The following RBPJ variants were observed in gnomAD, a reference collection of about 807,000 sequenced individuals.
The protein encoded by RBPJ is recombining binding protein suppressor of hairless.
A neutral mutation model predicts 67.8 loss-of-function variants in RBPJ; 9 were observed. The observed-to-expected ratio is 0.13, with a 90% confidence interval of 0.08 to 0.23. The LOEUF is 0.23. Among genes scored for constraint, RBPJ ranks in the 10% least tolerant of loss-of-function variants. The probability of loss-of-function intolerance (pLI) is 1.00; values close to 1 mark genes in which losing one functional copy is unlikely to be tolerated. For missense variants in RBPJ, 305 were observed against 595.6 expected (o/e 0.51, Z 5.08); for synonymous variants, 198 against 203.3 (o/e 0.97, Z 0.22).
In RBPJ at chr4:26,172,135, A is replaced by G. The variant is rs7656842; in HGVS notation, c.-167+8521A>G. ...ATCATCCAGGAAACATTTCAACAAC[A>G]TGGATGGAACTAAATGTCTTGCCAG... is the stretch of plus-strand genomic sequence containing the variant. On this transcript the variant is annotated intron_variant, in intron 1 of 4. Coordinates refer to the RBPJ transcript ENST00000512351. Among the ~76,000 whole-genome samples, 354 of 152,272 alleles carry G rather than the reference A, an allele frequency of 2.3e-3. 1 individual carries two copies. The highest frequency in any genetic ancestry group is 8.1e-3 in the African/African-American group (335 of 41,550).
chr4:26,386,092 T>C (rs548615647), intron 1 of RBPJ, among the ~76,000 whole-genome samples: 110 of 152,352 alleles, frequency 7.2e-4, no homozygotes, highest in African/African-American at 2.4e-3. Context: ...CTCTAAAAGA[T>C]ACCTGTCCTC....
the RBPJ span, among the ~76,000 whole-genome samples, chr4:26,134,973 G>A: frequency 5.3e-5 from 8 of 152,124 alleles, no homozygotes; most frequent in Non-Finnish European, 7.4e-5. Context: ...GCAGGTCTTC[G>A]GTACCACAGT....
chr4:26,374,475 TTTTC>T lies in RBPJ; in HGVS notation c.21-11874_21-11871del, dbSNP rs990402997. On this transcript the variant is annotated intron_variant, in intron 1 of 10. Transcript: ENST00000355476. ...CATAAAAATTCATATCCGGTCACCC[TTTTC>T]TTTTTTTTTTTTTCGAGATGGAATC... is the stretch of plus-strand genomic sequence containing the variant. Among the ~76,000 whole-genome samples, 6 of 114,268 alleles carry T rather than the reference TTTTC, an allele frequency of 5.3e-5. No individual in the cohort carries two copies. The Admixed American group carries it at 5.4e-4, about 10-fold the overall frequency. The allele number at this position is 114,268 out of a possible 152,430, so 75.0% of individuals were successfully genotyped here.
At chr4:26,192,034 A>T (rs1373592601) in intron 1 of RBPJ, among the ~76,000 whole-genome samples, 4 of 147,080 alleles carry the variant, frequency 2.7e-5, no homozygotes, top group Non-Finnish European at 5.9e-5. Context: ...TTTGAGGCAG[A>T]GTCTCACTCT....
intron 1 of RBPJ, among the ~76,000 whole-genome samples, chr4:26,288,657 A>C (rs1721560429): frequency 6.6e-6 from 1 of 152,214 alleles, no homozygotes; most frequent in African/African-American, 2.4e-5. Flanking sequence ...AAAAGCCCTC[A>C]CAAACACGTA....
At chr4:26,159,645 G>C (rs114262280), upstream of RBPJ, among the ~76,000 whole-genome samples, 1,296 of 152,228 alleles carry the variant, frequency 8.5e-3, 13 homozygotes, top group African/African-American at 0.029. Context: ...CGTGTTTATA[G>C]TACCTCCATG....
the RBPJ span, among the ~76,000 whole-genome samples, chr4:26,124,349 C>A: frequency 6.8e-6 from 1 of 146,492 alleles, no homozygotes; most frequent in East Asian, 2.1e-4. Flanking sequence ...TAATAATCTC[C>A]AGTCTCATCC....
chr4:26,376,758 G>C (rs1321073518), intron 1 of RBPJ, among the ~76,000 whole-genome samples: 1 of 152,154 alleles, frequency 6.6e-6, no homozygotes, highest in Non-Finnish European at 1.5e-5. Flanking sequence ...TATATGAAAG[G>C]TTCCACTTTT....
At chr4:26,279,209 C>T (rs1721177476) in intron 1 of RBPJ, among the ~76,000 whole-genome samples, 1 of 152,142 alleles carries the variant, frequency 6.6e-6, no homozygotes. Flanking sequence ...TCCAGTTGGG[C>T]AGAAGAGAGG....
intron 1 of RBPJ, among the ~76,000 whole-genome samples, chr4:26,327,923 A>G (rs2109345605): frequency 6.6e-6 from 1 of 152,290 alleles, no homozygotes; most frequent in Middle Eastern, 3.4e-3. Flanking sequence ...TGCTTTATGA[A>G]ATATAAATGT....
intron 7 of RBPJ, among the ~76,000 whole-genome samples, chr4:26,425,460 C>A (rs1466805760): frequency 2.7e-5 from 4 of 148,136 alleles, no homozygotes; most frequent in East Asian, 2.0e-4. Context: ...CCCGCCCCCC[C>A]AAAAAAAAAA....
At chr4:26,428,931 A>T in intron 8 of RBPJ, 71 bp downstream of exon 8, 1 of 1,193,114 alleles carries the variant, frequency 8.4e-7, no homozygotes, top group Non-Finnish European at 1.2e-6. Flanking sequence ...AAAAATATGA[A>T]ATTTTCATTT....
chr4:26,197,794 G>A lies in RBPJ; in HGVS notation c.-167+34180G>A, dbSNP rs562407468. 2.6e-5 allele frequency among the ~76,000 whole-genome samples: 4 copies of A among 152,174 alleles called. No individual in the cohort carries two copies. In the South Asian group the frequency reaches 8.3e-4, roughly 32 times the overall value. On this transcript the variant is annotated intron_variant, in intron 1 of 4. Transcript: ENST00000512351. Reference sequence around the variant, plus strand: ...TGGTTTCTCTCCAAAGAGAGAATAGGTAAAGGAGAGGAGAGAGGAGAGGAG... The same window carrying A: ...TGGTTTCTCTCCAAAGAGAGAATAGATAAAGGAGAGGAGAGAGGAGAGGAG...
At chr4:26,402,972 T>G (rs1396598556) in intron 2 of RBPJ, among the ~76,000 whole-genome samples, 1 of 152,248 alleles carries the variant, frequency 6.6e-6, no homozygotes, top group Non-Finnish European at 1.5e-5. Context: ...GAGTTATTTT[T>G]CCTGTCCCCT....
chr4:26,107,685 G>A, the RBPJ span, among the ~76,000 whole-genome samples: 1 of 152,198 alleles, frequency 6.6e-6, no homozygotes, highest in African/African-American at 2.4e-5. Context: ...ATCACTTGAG[G>A]TCAGAAGTTC....
At chr4:26,164,274 C>T (rs1173567276) in intron 1 of RBPJ, among the ~76,000 whole-genome samples, 2 of 152,206 alleles carry the variant, frequency 1.3e-5, no homozygotes, top group Admixed American at 6.5e-5. Context: ...TACATACATA[C>T]ACTATTTATT....
chr4:26,314,243 A>G (rs1722531210), intron 1 of RBPJ, among the ~76,000 whole-genome samples: 1 of 152,206 alleles, frequency 6.6e-6, no homozygotes, highest in African/African-American at 2.4e-5. Context: ...CATTCTATGT[A>G]TAATTTAAAA....
the RBPJ span, among the ~76,000 whole-genome samples, chr4:26,131,466 C>A: frequency 6.6e-6 from 1 of 152,154 alleles, no homozygotes. Context: ...CCAATCCAAA[C>A]AGATGCCAGT....
intron 1 of RBPJ, among the ~76,000 whole-genome samples, chr4:26,258,542 C>G (rs1720420620): frequency 6.6e-6 from 1 of 152,082 alleles, no homozygotes; most frequent in Non-Finnish European, 1.5e-5. Flanking sequence ...TAGCTGTGGC[C>G]ATGATGGTAG....
Sources: gnomAD v4.1 joint callset for allele counts (sites outside exome capture counted in the v4.1 genomes callset) on GRCh38, gnomAD v4.1.1 for gene constraint, MANE v1.5 for transcripts, NCBI Gene and HGNC (gene_info 2026-07-23, HGNC 2026-07-21) for gene names.